NLGN1: variants seen among roughly 807,000 people sequenced by gnomAD.
NLGN1 encodes the protein neuroligin-1.
NLGN1 carries 12 observed loss-of-function variants against 65.5 expected under a neutral mutation model. That is an observed-to-expected ratio of 0.18 (90% CI 0.12 to 0.30). The LOEUF is 0.30. Ranked by LOEUF, NLGN1 falls within the 10% of genes least tolerant of loss-of-function variation. The probability of loss-of-function intolerance (pLI) is 1.00; values close to 1 mark genes in which losing one functional copy is unlikely to be tolerated. For synonymous variants in NLGN1, 350 were observed against 359.5 expected, an observed-to-expected ratio of 0.97 and a Z score of 0.30; for missense variants, 750 against 1,007.1, an observed-to-expected ratio of 0.74 and a Z score of 3.46.
At chr3:173,517,632 A>G (rs1452559876) in intron 2 of NLGN1, among the ~76,000 whole-genome samples, 5 of 152,026 alleles carry the variant, frequency 3.3e-5, no homozygotes, top group Admixed American at 2.0e-4. Context: ...TTTTCTTTTC[A>G]TCCTTCCATA....
intron 4 of NLGN1, among the ~76,000 whole-genome samples, chr3:173,833,453 T>A (rs1401245756): frequency 6.6e-6 from 1 of 152,142 alleles, no homozygotes; most frequent in Non-Finnish European, 1.5e-5. Flanking sequence ...CTAAAAAAAA[T>A]TAGTTTTTTT....
At chr3:174,112,444 G>A (rs1715443191) in intron 4 of NLGN1, among the ~76,000 whole-genome samples, 1 of 151,870 alleles carries the variant, frequency 6.6e-6, no homozygotes, top group Admixed American at 6.6e-5. Flanking sequence ...AAAAAAATGT[G>A]AGAGAAGCCA....
chr3:174,191,060 T>G lies in NLGN1; in HGVS notation c.647-84255T>G, dbSNP rs568705021. Reference sequence around the variant, plus strand: ...CCCACATGCACCCAATGTATTAAATTTATTCTTTCAGTTAGCAGAAGCCTT... The same window carrying G: ...CCCACATGCACCCAATGTATTAAATGTATTCTTTCAGTTAGCAGAAGCCTT... On this transcript the variant is annotated intron_variant, in intron 4 of 6. Transcript: ENST00000457714. Among the ~76,000 whole-genome samples, 8 of 152,124 alleles carry G rather than the reference T, an allele frequency of 5.3e-5. No individual in the cohort carries two copies. In the South Asian group the frequency reaches 1.7e-3, roughly 31 times the overall value.
intron 3 of NLGN1, among the ~76,000 whole-genome samples, chr3:173,704,585 C>G (rs1433538837): frequency 2.0e-5 from 3 of 152,112 alleles, no homozygotes; most frequent in Non-Finnish European, 4.4e-5. Flanking sequence ...GTTTCAATAT[C>G]ATTTTGAGAG....
chr3:173,812,838 A>T (rs993044348), intron 4 of NLGN1, among the ~76,000 whole-genome samples: 1 of 148,466 alleles, frequency 6.7e-6, no homozygotes, highest in African/African-American at 2.5e-5. Flanking sequence ...TCAGTCATCA[A>T]ATCAGTAACA....
At chr3:173,826,394 T>A (rs1373100683) in intron 4 of NLGN1, among the ~76,000 whole-genome samples, 1 of 151,990 alleles carries the variant, frequency 6.6e-6, no homozygotes, top group South Asian at 2.1e-4. Flanking sequence ...TTGGCTAGAA[T>A]GAGAGATACA....
At chr3:173,613,855 G>T (rs535329432) in intron 3 of NLGN1, among the ~76,000 whole-genome samples, 41 of 152,002 alleles carry the variant, frequency 2.7e-4, no homozygotes, top group African/African-American at 8.9e-4. Context: ...AAAAGGATCT[G>T]GAGTCATTGT....
At chr3:173,704,767 C>G (rs1205658111) in intron 3 of NLGN1, among the ~76,000 whole-genome samples, 1 of 152,094 alleles carries the variant, frequency 6.6e-6, no homozygotes, top group Non-Finnish European at 1.5e-5. Context: ...TCCCTTGGAG[C>G]TGTTTGTCAA....
At chr3:173,888,145 T>G (rs78814952) in intron 4 of NLGN1, among the ~76,000 whole-genome samples, 2,910 of 152,074 alleles carry the variant, frequency 0.019, 31 homozygotes, top group Middle Eastern at 0.031. Flanking sequence ...CTCTCAATTA[T>G]AGGCATATCT....
At chr3:173,601,678 G>T (rs1750569017) in intron 2 of NLGN1, among the ~76,000 whole-genome samples, 1 of 151,592 alleles carries the variant, frequency 6.6e-6, no homozygotes, top group Non-Finnish European at 1.5e-5. Context: ...TCATAGTTTG[G>T]GGTTTTTTTG....
At chr3:174,173,563 C>G (rs1728922955) in intron 4 of NLGN1, among the ~76,000 whole-genome samples, 1 of 151,914 alleles carries the variant, frequency 6.6e-6, no homozygotes, top group Admixed American at 6.6e-5. Context: ...TTTTCAGCAT[C>G]AGTTGAAATA....
At chr3:173,872,035 G>A (rs1731259604) in intron 4 of NLGN1, among the ~76,000 whole-genome samples, 1 of 152,132 alleles carries the variant, frequency 6.6e-6, no homozygotes, top group East Asian at 1.9e-4. Flanking sequence ...CCCACCGTGA[G>A]GGGGGGAGTC....
chr3:173,934,361 G>A (rs780434464), intron 4 of NLGN1, among the ~76,000 whole-genome samples: 11 of 150,664 alleles, frequency 7.3e-5, no homozygotes, highest in Non-Finnish European at 1.5e-4. Flanking sequence ...TATCTAACTT[G>A]TTTATTTCAT....
intron 4 of NLGN1, among the ~76,000 whole-genome samples, chr3:173,820,399 G>T (rs778666857): frequency 2.6e-5 from 4 of 152,082 alleles, no homozygotes; most frequent in East Asian, 1.9e-4. Context: ...AAGTGAAAGC[G>T]TTGGTGCTCA....
intron 4 of NLGN1, among the ~76,000 whole-genome samples, chr3:174,008,878 T>TTCATTCATTTATTCAA (rs1724972850): frequency 6.6e-6 from 1 of 152,212 alleles, no homozygotes; most frequent in Non-Finnish European, 1.5e-5. Flanking sequence ...TTGATTTGAT[T>TTCATTCATTTATTCAA]TCATTCATTT....
At chr3:173,860,215 T>C (rs1728792586) in intron 4 of NLGN1, among the ~76,000 whole-genome samples, 1 of 152,114 alleles carries the variant, frequency 6.6e-6, no homozygotes, top group African/African-American at 2.4e-5. Context: ...TTTCCAAAAA[T>C]ACTGTTTTAC....
chr3:174,255,065 A>G (rs190669029), intron 4 of NLGN1, among the ~76,000 whole-genome samples: 14 of 152,324 alleles, frequency 9.2e-5, no homozygotes, highest in African/African-American at 3.4e-4. Context: ...ACACAGCTAC[A>G]AATGAACGTC....
chr3:174,204,496 T>C (rs1735056155), intron 4 of NLGN1, among the ~76,000 whole-genome samples: 1 of 152,212 alleles, frequency 6.6e-6, no homozygotes, highest in African/African-American at 2.4e-5. Context: ...AAGTCCTACA[T>C]GTTCTCAGTA....
intron 4 of NLGN1, among the ~76,000 whole-genome samples, chr3:174,107,209 T>C (rs1322295250): frequency 1.3e-5 from 2 of 152,070 alleles, no homozygotes. Context: ...ATTGATATAG[T>C]CAAGGTAAAG....
Sources: gnomAD v4.1 joint callset for allele counts (sites outside exome capture counted in the v4.1 genomes callset) on GRCh38, gnomAD v4.1.1 for gene constraint, MANE v1.5 for transcripts, NCBI Gene and HGNC (gene_info 2026-07-23, HGNC 2026-07-21) for gene names.